LMX1B: variants seen among roughly 807,000 people sequenced by gnomAD.
LMX1B encodes LIM homeobox transcription factor 1-beta.
In LMX1B, 12 loss-of-function variants were observed where a neutral mutation model predicts 51.4. The observed-to-expected ratio is 0.23, with a 90% CI of 0.15 to 0.38. The LOEUF (loss-of-function observed/expected upper bound fraction) is 0.38, where lower values mean the gene tolerates loss of function less well. LMX1B is among the 10% of genes least tolerant of loss of function. LMX1B has a pLI of 1.00. For synonymous variants in LMX1B, 237 were observed against 235.4 expected (o/e 1.01, Z -0.06); for missense variants, 445 against 571.1 (o/e 0.78, Z 2.25).
chr9:126,631,352 G>A (rs1332016325), intron 2 of LMX1B, among the ~76,000 whole-genome samples: 3 of 152,206 alleles, frequency 2.0e-5, no homozygotes. Context: ...GGAGCATCAG[G>A]GACTCAACCC....
chr9:126,615,250 G>A lies in LMX1B; in HGVS notation c.140-133G>A, dbSNP rs577643201. 1.2e-5 allele frequency: 5 copies of A among 424,270 alleles called. No homozygotes were observed. In the East Asian group the frequency reaches 2.0e-4, roughly 17 times the overall value. The allele number at this position is 424,270 out of a possible 1,614,324, so 26.3% of individuals were successfully genotyped here. A position where few individuals can be genotyped will look rare whatever the true frequency, so the allele number is the denominator to read the frequency against. ...CCGGCCCCTGGCGCGGCGGTCCGGG[G>A]AGCGCAGGCGGCAGGCGGTGATCCC... On this transcript the variant is annotated intron_variant, in intron 1 of 7. Coordinates refer to ENST00000373474, the MANE Select transcript of LMX1B (RefSeq NM_001174147.2). The surrounding 1 kb of genome is among the most constrained non-coding windows in gnomAD (Gnocchi z 6.0).
Position 126,626,245 on chromosome 9 carries a change from G to A in LMX1B, c.326+10676G>A, listed in dbSNP as rs1312895930. ...GAGTGCACGCAGTCTCCTGCGCGCC[G>A]AGCCCAGGCTCCGGGCGCAGGGAGG... On this transcript the variant is annotated intron_variant, in intron 2 of 7. Transcript: ENST00000373474. The surrounding 1 kb of genome is among the most constrained non-coding windows in gnomAD (Gnocchi z 4.3). 6.6e-6 allele frequency among the ~76,000 whole-genome samples: 1 copy of A among 152,254 alleles called. No homozygotes were observed. The highest frequency in any genetic ancestry group is 1.5e-5 in the Non-Finnish European group (1 of 68,044).
intron 2 of LMX1B, among the ~76,000 whole-genome samples, chr9:126,640,046 G>A (rs746996034): frequency 6.6e-5 from 10 of 152,240 alleles, no homozygotes; most frequent in South Asian, 4.1e-4. Flanking sequence ...AGTTAATGCG[G>A]GTGGCGGGAT....
At chr9:126,620,453 A>C (rs1272426655) in intron 2 of LMX1B, among the ~76,000 whole-genome samples, 10 of 152,100 alleles carry the variant, frequency 6.6e-5, no homozygotes. Context: ...AACTTTAATA[A>C]ATATTCCATT....
At chr9:126,619,755 C>CATTAT (rs1835373845) in intron 2 of LMX1B, among the ~76,000 whole-genome samples, 2 of 152,188 alleles carry the variant, frequency 1.3e-5, no homozygotes, top group Non-Finnish European at 2.9e-5. Context: ...TGACTCCTGG[C>CATTAT]TCACCCTCGA....
At chr9:126,690,151 GA>G (rs1314055472) in intron 2 of LMX1B, among the ~76,000 whole-genome samples, 2 of 152,212 alleles carry the variant, frequency 1.3e-5, no homozygotes, top group African/African-American at 4.8e-5. Context: ...GAAGAGGCGG[GA>G]TCATGAAGGG....
intron 2 of LMX1B, among the ~76,000 whole-genome samples, chr9:126,661,129 A>G (rs1836234343): frequency 6.6e-6 from 1 of 152,206 alleles, no homozygotes. Flanking sequence ...AGACACGCCC[A>G]TACACAGGAC....
At chr9:126,693,078 G>A (rs2030190696) in intron 3 of LMX1B, 64 bp from the exon 4 acceptor site, 2 of 1,514,768 alleles carry the variant, frequency 1.3e-6, no homozygotes. Context: ...TTGCCGAAGG[G>A]GACAAGGCTG....
rs911228385 is a variant in LMX1B at position 126,677,078 on chromosome 9, A to G, written c.327-13758A>G. On this transcript the variant is annotated intron_variant, in intron 2 of 7. Transcript: ENST00000373474. This position sits in a 1 kb window ranked among gnomAD's most constrained non-coding sequence, Gnocchi z 5.0. ...CATGGGGCGATCAGTTACCCACTAA[A>G]TGGGCGGGCTGCGTGCCCTGCCTGT... Among the ~76,000 whole-genome samples the G allele has an allele frequency of 6.6e-6, 1 of 152,126 alleles. No homozygotes were observed. The highest frequency in any genetic ancestry group is 2.4e-5 in the African/African-American group (1 of 41,440).
chr9:126,619,817 G>A (rs982846036), intron 2 of LMX1B, among the ~76,000 whole-genome samples: 3 of 152,142 alleles, frequency 2.0e-5, no homozygotes. Flanking sequence ...TATTTTTCTT[G>A]AGTGGGGGAA....
At chr9:126,692,764 T>C (rs1335469495) in intron 3 of LMX1B, among the ~76,000 whole-genome samples, 4 of 152,268 alleles carry the variant, frequency 2.6e-5, no homozygotes, top group Non-Finnish European at 5.9e-5. Context: ...CCTGTCTGCC[T>C]GTTCCCCGAG....
At chr9:126,690,760 G>T (rs994782924) in intron 2 of LMX1B, 76 bp from the exon 3 acceptor site, 2 of 1,315,412 alleles carry the variant, frequency 1.5e-6, no homozygotes, top group Non-Finnish European at 1.1e-6. Flanking sequence ...TGGCAAGAGG[G>T]AGAGGCCCTC....
At chr9:126,681,123 A>G (rs1170230916) in intron 2 of LMX1B, among the ~76,000 whole-genome samples, 1 of 152,164 alleles carries the variant, frequency 6.6e-6, no homozygotes, top group Non-Finnish European at 1.5e-5. Flanking sequence ...GCCAAGCCAC[A>G]TGGACACGGC....
In LMX1B at chr9:126,652,298, G is replaced by A. The variant is rs572977653; in HGVS notation, c.326+36729G>A. On this transcript the variant is annotated intron_variant, in intron 2 of 7. Coordinates refer to ENST00000373474, the MANE Select transcript of LMX1B (RefSeq NM_001174147.2). The stretch of plus-strand genomic sequence containing the variant: ...GCAGCAGGAGTCTGAGGAGGAGAAG[G>A]GGGGGGGGATTTTCTCTTTCTTCCC... Among the ~76,000 whole-genome samples, 9 of 149,266 alleles carry A rather than the reference G, an allele frequency of 6.0e-5. No individual in the cohort carries two copies. The South Asian group carries it at 1.8e-3, about 29-fold the overall frequency.
Position 126,658,980 on chromosome 9 carries a change from G to A in LMX1B, c.327-31856G>A, listed in dbSNP as rs1200474016. 6.6e-6 allele frequency among the ~76,000 whole-genome samples: 1 copy of A among 152,204 alleles called. No homozygotes were observed. The highest frequency in any genetic ancestry group is 1.5e-5 in the Non-Finnish European group (1 of 68,026). On this transcript the variant is annotated intron_variant, in intron 2 of 7. Transcript: ENST00000373474. This position sits in a 1 kb window ranked among gnomAD's most constrained non-coding sequence, Gnocchi z 4.0. ...TCCAAGGCTGGGATACAGGGTGGGA[G>A]GGACCCTTCAGGGGGCTGAGAGGCG... is the stretch of plus-strand genomic sequence containing the variant.
chr9:126,620,668 C>T (rs1835394003), intron 2 of LMX1B, among the ~76,000 whole-genome samples: 1 of 151,652 alleles, frequency 6.6e-6, no homozygotes, highest in Non-Finnish European at 1.5e-5. Flanking sequence ...GTGTCCTGTG[C>T]TCTTTCTCCT....
At position 126,671,852 on chromosome 9, in the gene LMX1B, A is replaced by G. The variant is rs1369640197; in HGVS notation, c.327-18984A>G. Among the ~76,000 whole-genome samples, 2 of 152,334 alleles carry G rather than the reference A, an allele frequency of 1.3e-5. No homozygotes were observed. Among genetic ancestry groups the G allele is most frequent in the East Asian group, 3.9e-4 (2 of 5,174 alleles). ...CCAGCGGCCCAGAGGCCACTTGGCC[A>G]GGCCTCCACTCCCCTCCCTCCAGAG... On this transcript the variant is annotated intron_variant, in intron 2 of 7. Coordinates refer to ENST00000373474, the MANE Select transcript of LMX1B (RefSeq NM_001174147.2). The surrounding 1 kb of genome is among the most constrained non-coding windows in gnomAD (Gnocchi z 4.4).
chr9:126,624,348 G>A (rs1835479068), intron 2 of LMX1B, among the ~76,000 whole-genome samples: 1 of 152,254 alleles, frequency 6.6e-6, no homozygotes, highest in South Asian at 2.1e-4. Flanking sequence ...GAGTAAGACT[G>A]GCGGGGAGAG....
chr9:126,672,944 C>T (rs1411717221), intron 2 of LMX1B, among the ~76,000 whole-genome samples: 1 of 152,242 alleles, frequency 6.6e-6, no homozygotes, highest in East Asian at 1.9e-4. Context: ...TGGCACAGGA[C>T]TTGGTCAGAA....
Sources: allele counts gnomAD v4.1 joint callset (sites outside exome capture counted in the v4.1 genomes callset), GRCh38; gene constraint gnomAD v4.1.1; non-coding constraint Gnocchi (gnomAD v3.1); transcripts MANE v1.5; gene names NCBI Gene and HGNC (gene_info 2026-07-23, HGNC 2026-07-21).